EPHA3: variants seen among roughly 807,000 people sequenced by gnomAD.
EPHA3 encodes EPH receptor A3, also known as ephrin type-A receptor 3.
EPHA3 carries 42 observed loss-of-function variants against 107.1 expected under a neutral mutation model. The ratio of observed to expected loss-of-function variants is 0.39; its 90% CI spans 0.31 to 0.51. The LOEUF (loss-of-function observed/expected upper bound fraction) is 0.51. EPHA3 is among the 20% of genes least tolerant of loss of function. The pLI is 0.78. For missense variants in EPHA3, 1,183 were observed against 1,211.2 expected, an observed-to-expected ratio of 0.98 and a Z score of 0.35; for synonymous variants, 461 against 424.8, an observed-to-expected ratio of 1.09 and a Z score of -1.05.
chr3:89,163,380 C>T (rs1287319181), intron 2 of EPHA3, among the ~76,000 whole-genome samples: 1 of 151,702 alleles, frequency 6.6e-6, no homozygotes, highest in Non-Finnish European at 1.5e-5. Flanking sequence ...TTTGAGGGGT[C>T]GGGGGAGAAG....
At chr3:89,424,217 T>C (rs1709412417) in intron 11 of EPHA3, among the ~76,000 whole-genome samples, 1 of 151,472 alleles carries the variant, frequency 6.6e-6, no homozygotes, top group African/African-American at 2.4e-5. Context: ...GTGTAGTTTA[T>C]TCCAAGTATG....
intron 16 of EPHA3, among the ~76,000 whole-genome samples, chr3:89,476,189 G>GTA (rs150254848): frequency 1.9e-4 from 28 of 145,342 alleles, no homozygotes; most frequent in East Asian, 4.0e-4. Flanking sequence ...ATATAAACAT[G>GTA]TATATATATA....
intron 2 of EPHA3, among the ~76,000 whole-genome samples, chr3:89,194,111 C>G (rs1705782120): frequency 6.6e-6 from 1 of 151,860 alleles, no homozygotes; most frequent in Non-Finnish European, 1.5e-5. Context: ...GAGATTTAGT[C>G]CATTCCCAAA....
intron 2 of EPHA3, among the ~76,000 whole-genome samples, chr3:89,158,928 G>A (rs1461197398): frequency 6.6e-6 from 1 of 151,938 alleles, no homozygotes; most frequent in Non-Finnish European, 1.5e-5. Context: ...ATGTATTTGG[G>A]GAAGAAGAAA....
At chr3:89,210,873 A>G (rs1407792656) in intron 3 of EPHA3, among the ~76,000 whole-genome samples, 2 of 152,210 alleles carry the variant, frequency 1.3e-5, no homozygotes, top group Non-Finnish European at 2.9e-5. Flanking sequence ...AATCTTTAGC[A>G]CTCAGCTAAC....
At chr3:89,378,389 A>G (rs1044918507) in intron 5 of EPHA3, among the ~76,000 whole-genome samples, 2 of 152,164 alleles carry the variant, frequency 1.3e-5, no homozygotes, top group African/African-American at 4.8e-5. Context: ...CAGTTTTACA[A>G]TGATTTTACA....
chr3:89,261,547 T>G lies in EPHA3; in HGVS notation c.814+51027T>G, dbSNP rs544585145. On this transcript the variant is annotated intron_variant, in intron 3 of 16. Transcript: ENST00000336596. ...TGCTCTATAAGAGCAAGGGGATCTT[T>G]GACTCCCCACTGTAGCCTGTCACCC... Among the ~76,000 whole-genome samples, 82 of 152,270 alleles carry G rather than the reference T, an allele frequency of 5.4e-4. 2 individuals are homozygous for G. The South Asian group carries it at 0.013, about 24-fold the overall frequency.
chr3:89,417,568 T>G (rs1709273458), intron 10 of EPHA3, among the ~76,000 whole-genome samples: 1 of 151,410 alleles, frequency 6.6e-6, no homozygotes, highest in African/African-American at 2.4e-5. Context: ...CTGAGAATAA[T>G]TTTATCACAC....
chr3:89,130,692 T>C (rs11919464), intron 2 of EPHA3, among the ~76,000 whole-genome samples: 1,533 of 151,846 alleles, frequency 0.01, 33 homozygotes, highest in African/African-American at 0.034. Flanking sequence ...TGGAGCGCTG[T>C]GGCGCGATCT....
chr3:89,356,551 T>G (rs2107451086), intron 5 of EPHA3, among the ~76,000 whole-genome samples: 1 of 151,502 alleles, frequency 6.6e-6, no homozygotes, highest in Admixed American at 6.6e-5. Flanking sequence ...TCTGATACAT[T>G]TCTTTGGTGT....
rs1269049266 is a variant in EPHA3, at chr3:89,291,164, G to A, written c.815-49752G>A. On this transcript the variant is annotated intron_variant, in intron 3 of 16. Coordinates refer to ENST00000336596, the MANE Select transcript of EPHA3 (RefSeq NM_005233.6). Reference sequence around the variant, plus strand: ...TTACTCACTCTGTGACCTTGAGTAAGTCACTAAATCTCTTTCTCCTCTAAT... The same window carrying A: ...TTACTCACTCTGTGACCTTGAGTAAATCACTAAATCTCTTTCTCCTCTAAT... 2.6e-5 allele frequency among the ~76,000 whole-genome samples: 4 copies of A among 152,132 alleles called. No individual in the cohort carries two copies. In the East Asian group the frequency reaches 5.8e-4, roughly 22 times the overall value.
intron 2 of EPHA3, among the ~76,000 whole-genome samples, chr3:89,134,223 T>A (rs60050599): frequency 0.24 from 23,008 of 94,060 alleles, 1,740 homozygotes; most frequent in African/African-American, 0.35. Context: ...TTTTTTTTTT[T>A]TAAAAAAATT....
At chr3:89,387,565 C>A (rs1319387059) in intron 5 of EPHA3, among the ~76,000 whole-genome samples, 4 of 152,132 alleles carry the variant, frequency 2.6e-5, no homozygotes, top group Non-Finnish European at 5.9e-5. Context: ...TAACCTCTTT[C>A]ACACTGAAGC....
In EPHA3 at chr3:89,210,527, G is replaced by A. The variant is rs982710308; in HGVS notation, c.814+7G>A. 8 of 1,524,596 alleles carry A rather than the reference G, an allele frequency of 5.2e-6. No homozygotes were observed. The highest frequency in any genetic ancestry group is 7.0e-6 in the Non-Finnish European group (8 of 1,139,966). The allele number at this position is 1,524,596 out of a possible 1,614,324, so 94.4% of individuals were successfully genotyped here. On this transcript the variant is annotated splice_region_variant and intron_variant, in intron 3 of 16. Transcript: ENST00000336596. ...AGAGGTTTTATGTGCCAAGGTAAGA[G>A]CCTTCTCTATTTTTCTTTGAGCAAT... is the stretch of plus-strand genomic sequence containing the variant.
intron 11 of EPHA3, among the ~76,000 whole-genome samples, chr3:89,427,850 T>G (rs1272696691): frequency 6.6e-6 from 1 of 151,910 alleles, no homozygotes; most frequent in African/African-American, 2.4e-5. Flanking sequence ...TACATAATTC[T>G]AATCATGAAA....
chr3:89,379,215 G>A (rs192093130), intron 5 of EPHA3, among the ~76,000 whole-genome samples: 1 of 152,248 alleles, frequency 6.6e-6, no homozygotes, highest in Admixed American at 6.5e-5. Flanking sequence ...GTAATATGGG[G>A]CAGAGAAAGA....
At chr3:89,402,570 TGTAA>T (rs1487434467) in intron 7 of EPHA3, among the ~76,000 whole-genome samples, 2 of 152,164 alleles carry the variant, frequency 1.3e-5, no homozygotes, top group African/African-American at 2.4e-5. Flanking sequence ...TCCTAAATGC[TGTAA>T]GTATTTAATA....
At chr3:89,429,281 ATCT>A in intron 12 of EPHA3, 114 bp downstream of exon 12, 1 of 737,978 alleles carries the variant, frequency 1.4e-6, no homozygotes, top group Non-Finnish European at 2.2e-6. Flanking sequence ...TAAAACTGAA[ATCT>A]TCTGAGGCTA....
At chr3:89,225,648 G>T (rs925670822) in intron 3 of EPHA3, among the ~76,000 whole-genome samples, 2 of 152,144 alleles carry the variant, frequency 1.3e-5, no homozygotes, top group African/African-American at 4.8e-5. Context: ...TATGCCATAA[G>T]TTCATAGTGA....
Sources: gnomAD v4.1 joint callset for allele counts (sites outside exome capture counted in the v4.1 genomes callset) on GRCh38, gnomAD v4.1.1 for gene constraint, MANE v1.5 for transcripts, NCBI Gene and HGNC (gene_info 2026-07-23, HGNC 2026-07-21) for gene names.